Variants in MYBL2 observed in about 807,000 individuals in gnomAD.
MYBL2 encodes myb-related protein B.
Under a neutral mutation model 79.9 loss-of-function variants are expected in MYBL2, and 28 were observed. That is an observed-to-expected ratio of 0.35 (90% CI 0.26 to 0.48). MYBL2 has a LOEUF of 0.48. Ranked by LOEUF, MYBL2 falls within the 20% of genes least tolerant of loss-of-function variation. The pLI is 0.99. For synonymous variants in MYBL2, 378 were observed against 361.2 expected, an observed-to-expected ratio of 1.05 and a Z score of -0.53; for missense variants, 735 against 893.9, an observed-to-expected ratio of 0.82 and a Z score of 2.27.
intron 1 of MYBL2, among the ~76,000 whole-genome samples, chr20:43,668,194 C>CTTTTT (rs3091539): frequency 3.7e-5 from 3 of 80,620 alleles, no homozygotes; most frequent in African/African-American, 9.3e-5. Context: ...TTCGTTCCCT[C>CTTTTT]TTTTTTTTTT....
chr20:43,701,977 C>T (rs1316212412), intron 7 of MYBL2, among the ~76,000 whole-genome samples: 1 of 152,102 alleles, frequency 6.6e-6, no homozygotes, highest in East Asian at 1.9e-4. Context: ...ACCAGCCTGG[C>T]CAATATGGGT....
chr20:43,680,742 C>T (rs766981769), intron 2 of MYBL2, among the ~76,000 whole-genome samples: 13 of 152,166 alleles, frequency 8.5e-5, no homozygotes, highest in Non-Finnish European at 1.5e-4. Flanking sequence ...ATCTGCCCAC[C>T]ACGGCCTCCC....
intron 2 of MYBL2, among the ~76,000 whole-genome samples, chr20:43,678,338 AAAAAAAAAG>A (rs1485499095): frequency 1.6e-3 from 235 of 148,466 alleles, no homozygotes; most frequent in African/African-American, 5.2e-3. Context: ...AAAGAAAAAA[AAAAAAAAAG>A]AAAGGATACA....
At chr20:43,700,766 G>A (rs1568870497) in intron 7 of MYBL2, among the ~76,000 whole-genome samples, 1 of 152,132 alleles carries the variant, frequency 6.6e-6, no homozygotes, top group East Asian at 1.9e-4. Context: ...CCTGTGAGGT[G>A]TGTCATTTCT....
At position 43,674,233 on chromosome 20, in the gene MYBL2, C is replaced by CCG. The variant is rs1555809929; in HGVS notation, c.114+335_114+336insGC. Among the ~76,000 whole-genome samples, 26 of 98,146 alleles carry CCG rather than the reference C, an allele frequency of 2.6e-4. 3 individuals are homozygous for CCG. The highest frequency in any genetic ancestry group is 4.1e-4 in the Non-Finnish European group (18 of 43,436). The allele number at this position is 98,146 out of a possible 152,430, so 64.4% of individuals were successfully genotyped here. A position where few individuals can be genotyped will look rare whatever the true frequency, so the allele number is the denominator to read the frequency against. Reference sequence around the variant, plus strand: ...TGGCCAAATCTGTAACTCCCCCCACCCTTTTTTTTTTTTTTTTTTTGAGAC... The same window carrying CCG: ...TGGCCAAATCTGTAACTCCCCCCACCCGCTTTTTTTTTTTTTTTTTTTGAGAC... On this transcript the variant is annotated intron_variant, in intron 2 of 13. Transcript: ENST00000217026.
In MYBL2 at chr20:43,681,838, C is replaced by A. The variant is rs202191650; in HGVS notation, c.169C>A (p.Leu57Met). 6.2e-7 allele frequency: 1 copy of A among 1,613,374 alleles called. No individual in the cohort carries two copies. The highest frequency in any genetic ancestry group is 2.2e-5 in the East Asian group (1 of 44,880). ...GTTTGGACAGCAGGACTGGAAGTTC[C>A]TGGCCAGCCACTTCCCTGTGAGTAC... ...RQFGQQDWKF[L>M]ASHFPNRTDQ... The change falls in exon 3 of 14, where the codon CTG becomes ATG. Residue 57 changes from leucine (L) to methionine (M), a missense_variant. Leu to Met is a conservative substitution (Grantham distance 15). Transcript: ENST00000217026.
At chr20:43,706,566 A>G (rs1322496046) in intron 9 of MYBL2, among the ~76,000 whole-genome samples, 1 of 151,912 alleles carries the variant, frequency 6.6e-6, no homozygotes, top group Admixed American at 6.6e-5. Flanking sequence ...TGAATCCCTT[A>G]GTCAGAAATC....
chr20:43,710,043 A>G lies in MYBL2; in HGVS notation c.1586A>G (p.Tyr529Cys). 2 of 1,607,050 alleles carry G rather than the reference A, an allele frequency of 1.2e-6. No individual in the cohort carries two copies. Among genetic ancestry groups the G allele is most frequent in the Admixed American group, 1.7e-5 (1 of 59,046 alleles). Residue 529 changes from tyrosine (Y) to cysteine (C), a missense_variant, in exon 10 of 14, where the codon TAC becomes TGC. By Grantham distance (194) the Tyr-to-Cys change is radical. Around this residue, in one of 5 missense-constraint regions of MYBL2, gnomAD observed 243 missense variants for 327.2 expected, o/e 0.74. Coordinates refer to ENST00000217026, the MANE Select transcript of MYBL2 (RefSeq NM_002466.4). Reference sequence around the variant, plus strand: ...CCGTTCAAGAACGCCCTGGAGAAGTACGGACCCCTGAAGCCCCTGGTACGT... The same window carrying G: ...CCGTTCAAGAACGCCCTGGAGAAGTGCGGACCCCTGAAGCCCCTGGTACGT... ...PTPFKNALEK[Y>C]GPLKPLPQTP...
chr20:43,675,977 T>C (rs1446576515), intron 2 of MYBL2, among the ~76,000 whole-genome samples: 1 of 150,824 alleles, frequency 6.6e-6, no homozygotes, highest in South Asian at 2.1e-4. Context: ...TGATCTCAGC[T>C]CACTGCAACC....
At chr20:43,695,743 G>A (rs559305995) in intron 6 of MYBL2, among the ~76,000 whole-genome samples, 2 of 63,092 alleles carry the variant, frequency 3.2e-5, no homozygotes, top group East Asian at 1.1e-3. Context: ...CTACTTTGGA[G>A]CCTGGGGCAG....
At chr20:43,692,789 T>A (rs897082571) in intron 6 of MYBL2, among the ~76,000 whole-genome samples, 3 of 152,086 alleles carry the variant, frequency 2.0e-5, no homozygotes, top group African/African-American at 7.2e-5. Context: ...TTAAAAAAAA[T>A]TAAAAAATGT....
At chr20:43,708,529 C>T (rs1056944726) in intron 9 of MYBL2, among the ~76,000 whole-genome samples, 4 of 151,998 alleles carry the variant, frequency 2.6e-5, no homozygotes, top group African/African-American at 9.7e-5. Flanking sequence ...GAATTCTGGG[C>T]TCAAGTGGTC....
chr20:43,682,534 A>G (rs548381689), intron 3 of MYBL2, among the ~76,000 whole-genome samples: 7 of 152,352 alleles, frequency 4.6e-5, no homozygotes, highest in Non-Finnish European at 8.8e-5. Context: ...AAGACTTGTG[A>G]TGGTGGCCCC....
intron 2 of MYBL2, among the ~76,000 whole-genome samples, chr20:43,679,806 G>A (rs1987102305): frequency 6.6e-6 from 1 of 151,692 alleles, no homozygotes; most frequent in South Asian, 2.1e-4. Flanking sequence ...ACCTACTTGG[G>A]AGGCTGAGGT....
chr20:43,671,457 A>G (rs987028781), intron 1 of MYBL2, among the ~76,000 whole-genome samples: 13 of 119,786 alleles, frequency 1.1e-4, no homozygotes, highest in African/African-American at 4.3e-4. Context: ...CGCCCGGCTG[A>G]TTTCCATTTT....
intron 11 of MYBL2, among the ~76,000 whole-genome samples, 175 bp from the exon 12 acceptor site, chr20:43,712,827 A>G (rs1444973502): frequency 6.6e-6 from 1 of 152,092 alleles, no homozygotes; most frequent in Non-Finnish European, 1.5e-5. Context: ...ATGGGGCCTA[A>G]CTTTCCCAGC....
At chr20:43,701,061 A>G (rs2145727920) in intron 7 of MYBL2, among the ~76,000 whole-genome samples, 1 of 152,276 alleles carries the variant, frequency 6.6e-6, no homozygotes, top group East Asian at 1.9e-4. Context: ...TAGTGGACTC[A>G]TCAACAGTGA....
In MYBL2 at chr20:43,687,339, C is replaced by T. The variant is rs547682778; in HGVS notation, c.500+267C>T. Among the ~76,000 whole-genome samples the T allele has an allele frequency of 2.0e-5, 3 of 152,302 alleles. No homozygotes were observed. In the South Asian group the frequency reaches 6.2e-4, roughly 32 times the overall value. On this transcript the variant is annotated intron_variant, in intron 5 of 13. Transcript: ENST00000217026. ...GGAACCCTGGAGTCTAGTTCTCATC[C>T]TGTTCCCAGCTCACTGTGTCTTCTT...
intron 8 of MYBL2, 132 bp downstream of exon 8, chr20:43,703,035 A>T: frequency 9.7e-7 from 1 of 1,034,398 alleles, no homozygotes; most frequent in South Asian, 1.9e-5. Context: ...AAGACCAGGT[A>T]ACTAAAAAAG....
Sources: gnomAD v4.1 joint callset for allele counts (sites outside exome capture counted in the v4.1 genomes callset) on GRCh38, gnomAD v4.1.1 for gene constraint, gnomAD v4.1.1 regional missense constraint, MANE v1.5 for transcripts, NCBI Gene and HGNC (gene_info 2026-07-23, HGNC 2026-07-21) for gene names.